DNAH14: variants seen among roughly 807,000 people sequenced by gnomAD.
The protein encoded by DNAH14 is axonemal beta dynein heavy chain 14.
In DNAH14, 478 loss-of-function variants were observed where a neutral mutation model predicts 520.9. The ratio of observed to expected loss-of-function variants is 0.92; its 90% CI spans 0.85 to 0.99. The LOEUF (loss-of-function observed/expected upper bound fraction) is 0.99, where lower values mean the gene tolerates loss of function less well. Ranked by LOEUF, DNAH14 falls within the 50% of genes least tolerant of loss-of-function variation. The probability of loss-of-function intolerance (pLI) is 0.00; values close to 1 mark genes in which losing one functional copy is unlikely to be tolerated. For synonymous variants in DNAH14, 1,581 were observed against 1,757.2 expected (o/e 0.90, Z 2.51); for missense variants, 4,831 against 5,234.5 (o/e 0.92, Z 2.38).
chr1:225,120,043 A>C (rs934195940), intron 26 of DNAH14, among the ~76,000 whole-genome samples: 2 of 152,206 alleles, frequency 1.3e-5, no homozygotes, highest in African/African-American at 4.8e-5. Context: ...GGGGAAATGC[A>C]GTGGAGAAAG....
At chr1:224,985,232 A>G (rs1297679117) in intron 8 of DNAH14, among the ~76,000 whole-genome samples, 1 of 152,232 alleles carries the variant, frequency 6.6e-6, no homozygotes, top group East Asian at 1.9e-4. Flanking sequence ...CCCATCAAAC[A>G]ATAGGCATGT....
chr1:224,956,542 C>T (rs1256370551), intron 3 of DNAH14, among the ~76,000 whole-genome samples: 1 of 152,014 alleles, frequency 6.6e-6, no homozygotes, highest in Non-Finnish European at 1.5e-5. Flanking sequence ...TAGGCCGTAC[C>T]ACCTAGGTTT....
chr1:225,364,895 G>A lies in DNAH14; in HGVS notation c.12090+1G>A. ...TCCTGTTCTTAAAAAGGGTTTAAAG[G>A]TAAGAACAAAGTATAACAGATTTAA... is the stretch of plus-strand genomic sequence containing the variant. On this transcript the variant is annotated splice_donor_variant, in intron 76 of 85. Transcript: ENST00000682510. LOFTEE classifies it high-confidence loss of function. 6.5e-7 allele frequency: 1 copy of A among 1,541,516 alleles called. No individual in the cohort carries two copies. Among genetic ancestry groups the A allele is most frequent in the Non-Finnish European group, 8.8e-7 (1 of 1,141,652 alleles).
chr1:224,931,664 A>G (rs1262380094), intron 1 of DNAH14, among the ~76,000 whole-genome samples: 1 of 152,156 alleles, frequency 6.6e-6, no homozygotes, highest in African/African-American at 2.4e-5. Context: ...CTTAAATTTT[A>G]TTCAAATTTT....
intron 27 of DNAH14, among the ~76,000 whole-genome samples, chr1:225,134,402 T>C (rs930626790): frequency 6.6e-6 from 1 of 152,104 alleles, no homozygotes; most frequent in East Asian, 1.9e-4. Flanking sequence ...AATGTTCCTC[T>C]AATACCTAAT....
At chr1:225,168,889 G>C (rs1054353861) in intron 36 of DNAH14, among the ~76,000 whole-genome samples, 6 of 152,186 alleles carry the variant, frequency 3.9e-5, no homozygotes, top group Non-Finnish European at 8.8e-5. Flanking sequence ...GCCTAACTGG[G>C]AGGCATGCCC....
Position 225,186,033 on chromosome 1 carries a change from ACTAT to A in DNAH14, c.5670+609_5670+612del, listed in dbSNP as rs2084683757. 2.0e-5 allele frequency among the ~76,000 whole-genome samples: 3 copies of A among 149,460 alleles called. No individual in the cohort carries two copies. In the South Asian group the frequency reaches 6.3e-4, roughly 31 times the overall value. ...ATCTTTTAACTGATTAATGTAATAAACTATGTTGATTTATTAATGTTAACTTGTC... is the reference window on the plus strand; with the variant it reads ...ATCTTTTAACTGATTAATGTAATAAAGTTGATTTATTAATGTTAACTTGTC... On this transcript the variant is annotated intron_variant, in intron 37 of 85. Transcript: ENST00000682510.
intron 37 of DNAH14, among the ~76,000 whole-genome samples, chr1:225,189,261 T>G (rs932093339): frequency 1.3e-5 from 2 of 151,784 alleles, no homozygotes; most frequent in Non-Finnish European, 2.9e-5. Context: ...TTGGATTCAG[T>G]TTGTTAGCAT....
chr1:225,264,627 A>C (rs2093050776), intron 47 of DNAH14, among the ~76,000 whole-genome samples: 1 of 152,118 alleles, frequency 6.6e-6, no homozygotes, highest in Admixed American at 6.6e-5. Flanking sequence ...GACTTCTCAA[A>C]TCAGGCCATG....
At chr1:224,937,715 G>A (rs185234415) in intron 1 of DNAH14, among the ~76,000 whole-genome samples, 1 of 152,134 alleles carries the variant, frequency 6.6e-6, no homozygotes, top group Non-Finnish European at 1.5e-5. Flanking sequence ...AATTTGTATG[G>A]AACCACAAAA....
intron 12 of DNAH14, 149 bp from the exon 13 acceptor site, chr1:225,042,686 C>A: frequency 2.5e-6 from 2 of 805,930 alleles, no homozygotes; most frequent in Non-Finnish European, 3.8e-6. Flanking sequence ...CTTATTTTAA[C>A]ATGCAAGTGT....
chr1:224,982,290 T>C (rs751165205), intron 8 of DNAH14, among the ~76,000 whole-genome samples: 11 of 152,280 alleles, frequency 7.2e-5, no homozygotes, highest in African/African-American at 2.6e-4. Context: ...AAACCTCTCT[T>C]GGTGTGCAGG....
intron 1 of DNAH14, among the ~76,000 whole-genome samples, chr1:224,946,402 T>G (rs112209045): frequency 0.014 from 2,123 of 152,228 alleles, 20 homozygotes; most frequent in Non-Finnish European, 0.023. Flanking sequence ...ACCCCTTTCT[T>G]TGACTAGGAA....
rs572440701 is a variant in DNAH14, at chr1:225,097,459, G to A, written c.3695+220G>A. Among the ~76,000 whole-genome samples the A allele has an allele frequency of 2.0e-5, 3 of 152,082 alleles. No homozygotes were observed. The South Asian group carries it at 6.2e-4, about 32-fold the overall frequency. On this transcript the variant is annotated intron_variant, in intron 22 of 85. Transcript: ENST00000682510. ...TTGACTATTGGTATAAAAATATAAA[G>A]AGCTAAGAAAGAAGTGTTAATACAT...
In DNAH14 at chr1:225,305,160, G is replaced by T. The variant is rs181773710; in HGVS notation, c.9005+71G>T. The T allele has an allele frequency of 3.2e-4, 463 of 1,459,522 alleles. 1 individual carries two copies. The African/African-American group carries it at 6.0e-3, about 19-fold the overall frequency. The allele number at this position is 1,459,522 out of a possible 1,614,324, so 90.4% of individuals were successfully genotyped here. A position where few individuals can be genotyped will look rare whatever the true frequency, so the allele number is the denominator to read the frequency against. ...TTTGTTTGCGAAAAGAGACACAAAT[G>T]CAAAATGGTGAGCCAAATCTGCCTT... On this transcript the variant is annotated intron_variant, in intron 58 of 85. Coordinates refer to ENST00000682510, the MANE Select transcript of DNAH14 (RefSeq NM_001367479.1).
At position 225,272,042 on chromosome 1, in the gene DNAH14, A is replaced by G. The variant is rs1408184142; in HGVS notation, c.7808A>G (p.His2603Arg). ...ATGTTACCAACTCCAACAAAATGTC[A>G]CTACATGTTTAATCTTCGAGATATG... ...QNMLPTPTKC[H>R]YMFNLRDMFK... The change falls in exon 51 of 86, where the codon CAC becomes CGC. Residue 2603 changes from histidine (H) to arginine (R), a missense_variant. By Grantham distance (29) the His-to-Arg change is conservative (BLOSUM62 0). Coordinates refer to ENST00000682510, the MANE Select transcript of DNAH14 (RefSeq NM_001367479.1). The G allele has an allele frequency of 6.5e-7, 1 of 1,550,160 alleles. No individual in the cohort carries two copies. Among genetic ancestry groups the G allele is most frequent in the Middle Eastern group, 1.7e-4 (1 of 5,946 alleles).
In DNAH14 at chr1:225,144,610, T is replaced by G; in HGVS notation, c.4722T>G (p.Thr1574=). The change falls in exon 29 of 86, where the codon ACT becomes ACG. Residue 1574 remains threonine (T), a synonymous_variant. Transcript: ENST00000682510. ...CAGCTGGTACAGGAAAAACTGAGAC[T>G]GTCAAAGATCTAGCAAAAGTAAGTG... ...AGPAGTGKTE[T]VKDLAKSLGK... The G allele has an allele frequency of 5.8e-6, 9 of 1,550,770 alleles. No individual in the cohort carries two copies. Among genetic ancestry groups the G allele is most frequent in the Non-Finnish European group, 7.9e-6 (9 of 1,146,430 alleles).
intron 79 of DNAH14, among the ~76,000 whole-genome samples, chr1:225,378,971 A>C (rs2095743744): frequency 6.6e-6 from 1 of 151,934 alleles, no homozygotes; most frequent in Admixed American, 6.6e-5. Flanking sequence ...TTTCCTACTC[A>C]TCCACTAACT....
intron 17 of DNAH14, among the ~76,000 whole-genome samples, chr1:225,054,277 T>A (rs1301358684): frequency 6.6e-6 from 1 of 152,180 alleles, no homozygotes; most frequent in Non-Finnish European, 1.5e-5. Flanking sequence ...TTTAAATAAA[T>A]TTTGGAGGCT....
Sources: allele counts gnomAD v4.1 joint callset (sites outside exome capture counted in the v4.1 genomes callset), GRCh38; gene constraint gnomAD v4.1.1; transcripts MANE v1.5; gene names NCBI Gene and HGNC (gene_info 2026-07-23, HGNC 2026-07-21).